CPPED1: variants seen among roughly 807,000 people sequenced by gnomAD.
CPPED1 encodes the protein calcineurin like phosphoesterase domain containing 1.
CPPED1 carries 28 observed loss-of-function variants against 28.0 expected under a neutral mutation model. The ratio of observed to expected loss-of-function variants is 1.00; its 90% CI spans 0.74 to 1.37. CPPED1 has a LOEUF of 1.37. Among genes scored for constraint, CPPED1 ranks in the 40% most tolerant of loss-of-function variants. The probability of loss-of-function intolerance (pLI) is 0.00; values close to 1 mark genes in which losing one functional copy is unlikely to be tolerated. For synonymous variants in CPPED1, 198 were observed against 180.2 expected (o/e 1.10, Z -0.79); for missense variants, 504 against 416.5 (o/e 1.21, Z -1.83).
At chr16:12,723,454 A>T (rs1227179396) in intron 2 of CPPED1, among the ~76,000 whole-genome samples, 1 of 152,206 alleles carries the variant, frequency 6.6e-6, no homozygotes, top group African/African-American at 2.4e-5. Flanking sequence ...GTTCAGCCTG[A>T]CTGGAGTTGT....
intron 3 of CPPED1, among the ~76,000 whole-genome samples, chr16:12,698,269 C>A (rs912575251): frequency 6.6e-6 from 1 of 152,096 alleles, no homozygotes; most frequent in Non-Finnish European, 1.5e-5. Flanking sequence ...TAGGGGCTGG[C>A]CTTACAGAGG....
Position 12,704,869 on chromosome 16 carries a change from C to A in CPPED1, c.470G>T (p.Gly157Val), listed in dbSNP as rs1373536316. The change falls in exon 3 of 4, where the codon GGC becomes GTC. Residue 157 changes from glycine to valine, a missense_variant. Gly to Val is a moderately radical substitution (Grantham distance 109). Coordinates refer to ENST00000381774, the MANE Select transcript of CPPED1 (RefSeq NM_018340.3). ...GGAGTTGAGGACCAGGAACAGGACG[C>A]CCCCGACCCAGAAGCTGAAGTAGTC... is the stretch of plus-strand genomic sequence containing the variant. ...GDDYFSFWVG[G>V]VLFLVLNSQF... 3.1e-6 allele frequency: 5 copies of A among 1,614,142 alleles called. No homozygotes were observed. The South Asian group carries it at 5.5e-5, about 18-fold the overall frequency.
At chr16:12,768,305 GCT>G (rs1567301652) in intron 2 of CPPED1, among the ~76,000 whole-genome samples, 1 of 152,176 alleles carries the variant, frequency 6.6e-6, no homozygotes, top group Admixed American at 6.5e-5. Context: ...ATAAGGCGAG[GCT>G]CTCTGTTTTC....
At position 12,682,497 on chromosome 16, in the gene CPPED1, A is replaced by C. The variant is rs911342654; in HGVS notation, c.716-17382T>G. Among the ~76,000 whole-genome samples the C allele has an allele frequency of 6.6e-6, 1 of 152,016 alleles. No homozygotes were observed. Among genetic ancestry groups the C allele is most frequent in the Non-Finnish European group, 1.5e-5 (1 of 68,006 alleles). On this transcript the variant is annotated intron_variant, in intron 3 of 3. Transcript: ENST00000381774. The surrounding 1 kb of genome is among the most constrained non-coding windows in gnomAD (Gnocchi z 6.1). ...AAAAGCAGTGGCAGCCTGGGGTGGG[A>C]GCTAGGGGTTGGGAGACTCAGGCGT...
At chr16:12,756,536 C>G (rs2080370052) in intron 2 of CPPED1, among the ~76,000 whole-genome samples, 1 of 151,876 alleles carries the variant, frequency 6.6e-6, no homozygotes, top group African/African-American at 2.4e-5. Context: ...ACTAAAAATA[C>G]AAAAAAATTA....
intron 3 of CPPED1, among the ~76,000 whole-genome samples, chr16:12,704,220 T>C (rs1179246225): frequency 1.3e-5 from 2 of 152,152 alleles, no homozygotes; most frequent in Admixed American, 1.3e-4. Context: ...CCAAGGCACA[T>C]GCAAGCCACA....
intron 1 of CPPED1, among the ~76,000 whole-genome samples, chr16:12,799,243 G>GT (rs200948126): frequency 0.043 from 5,788 of 134,888 alleles, 384 homozygotes; most frequent in African/African-American, 0.13. Context: ...GGAAAAGTCA[G>GT]TTTTTTTTTT....
intron 2 of CPPED1, among the ~76,000 whole-genome samples, chr16:12,708,324 T>C (rs572172412): frequency 6.6e-6 from 1 of 152,112 alleles, no homozygotes; most frequent in Non-Finnish European, 1.5e-5. Flanking sequence ...GTAAGTCCCT[T>C]GGTTCCTCTG....
intron 2 of CPPED1, chr16:12,759,163 T>TACAA (rs750180409): frequency 1.3e-5 from 1 of 74,354 alleles, no homozygotes; most frequent in African/African-American, 5.4e-5. Flanking sequence ...ACTCTGTCTC[T>TACAA]AAAAAAAAAA....
rs1174355460 is a variant in CPPED1 at position 12,766,264 on chromosome 16, G to T, written c.289+14921C>A. On this transcript the variant is annotated intron_variant, in intron 2 of 3. Transcript: ENST00000381774. Reference sequence around the variant, plus strand: ...ACAAATATATATATATATAGAGAGAGAGAGAGAGAGAGGGAGAGAGAGAGA... The same window carrying T: ...ACAAATATATATATATATAGAGAGATAGAGAGAGAGAGGGAGAGAGAGAGA... 5.8e-3 allele frequency among the ~76,000 whole-genome samples: 704 copies of T among 121,386 alleles called. 24 individuals are homozygous for T. The highest frequency in any genetic ancestry group is 0.026 in the African/African-American group (611 of 23,854). 79.6% of individuals were successfully genotyped at this position (121,386 alleles called of 152,430 possible). A position where few individuals can be genotyped will look rare whatever the true frequency, so the allele number is the denominator to read the frequency against.
intron 1 of CPPED1, among the ~76,000 whole-genome samples, chr16:12,797,898 AGTAAGACCTT>A (rs2080637081): frequency 6.6e-6 from 1 of 152,014 alleles, no homozygotes; most frequent in Admixed American, 6.6e-5. Context: ...TGGACAACAC[AGTAAGACCTT>A]GTCTCTACAA....
At chr16:12,722,486 C>T (rs1323144581) in intron 2 of CPPED1, among the ~76,000 whole-genome samples, 1 of 152,176 alleles carries the variant, frequency 6.6e-6, no homozygotes, top group Non-Finnish European at 1.5e-5. Context: ...GCCTGTAATC[C>T]CAGCACTTTG....
intron 2 of CPPED1, among the ~76,000 whole-genome samples, chr16:12,751,748 AAT>A (rs2080330620): frequency 6.6e-6 from 1 of 152,188 alleles, no homozygotes; most frequent in South Asian, 2.1e-4. Context: ...TAGGACTGAT[AAT>A]GTTTTACTTC....
intron 3 of CPPED1, among the ~76,000 whole-genome samples, chr16:12,667,697 C>T (rs1306797775): frequency 6.6e-6 from 1 of 151,950 alleles, no homozygotes; most frequent in Non-Finnish European, 1.5e-5. Flanking sequence ...ATACAGAGAC[C>T]CAGACACAAG....
chr16:12,698,771 T>C (rs1042089365), intron 3 of CPPED1, among the ~76,000 whole-genome samples: 43 of 152,222 alleles, frequency 2.8e-4, no homozygotes, highest in Admixed American at 1.1e-3. Flanking sequence ...GACTAAGATT[T>C]ATCTTCTCTC....
At chr16:12,748,577 G>A (rs929340992) in intron 2 of CPPED1, among the ~76,000 whole-genome samples, 1 of 152,074 alleles carries the variant, frequency 6.6e-6, no homozygotes, top group African/African-American at 2.4e-5. Context: ...TTTACACTCC[G>A]CTGTAGTCTA....
intron 2 of CPPED1, among the ~76,000 whole-genome samples, chr16:12,750,573 C>T (rs147281594): frequency 6.6e-6 from 1 of 152,242 alleles, no homozygotes; most frequent in African/African-American, 2.4e-5. Context: ...ATCACACCAT[C>T]AAAGATCACC....
At chr16:12,702,488 T>C (rs568274436) in intron 3 of CPPED1, among the ~76,000 whole-genome samples, 30 of 152,062 alleles carry the variant, frequency 2.0e-4, no homozygotes, top group African/African-American at 7.0e-4. Context: ...CAGTGAGCCA[T>C]GATCACGCCA....
chr16:12,797,107 T>G (rs7185627), intron 1 of CPPED1, among the ~76,000 whole-genome samples: 5,415 of 152,240 alleles, frequency 0.036, 329 homozygotes, highest in African/African-American at 0.12. Flanking sequence ...ATGAAGAGAC[T>G]TGCAAGTGGG....
Sources: gnomAD v4.1 joint callset for allele counts (sites outside exome capture counted in the v4.1 genomes callset) on GRCh38, gnomAD v4.1.1 for gene constraint, Gnocchi (gnomAD v3.1) non-coding constraint, MANE v1.5 for transcripts, NCBI Gene and HGNC (gene_info 2026-07-23, HGNC 2026-07-21) for gene names.